Variants in ULK1 observed in about 807,000 individuals in gnomAD.
ULK1 encodes the protein unc-51 like autophagy activating kinase 1.
Under a neutral mutation model 117.5 loss-of-function variants are expected in ULK1, and 48 were observed. The ratio of observed to expected loss-of-function variants is 0.41; its 90% CI spans 0.32 to 0.52. The LOEUF is 0.52. ULK1 is among the 20% of genes least tolerant of loss of function. The pLI, the probability that ULK1 is intolerant of heterozygous loss-of-function variation, is 0.29. For synonymous variants in ULK1, 790 were observed against 637.8 expected (o/e 1.24, Z -3.60); for missense variants, 1,387 against 1,473.4 (o/e 0.94, Z 0.96).
chr12:131,921,773 C>T lies in ULK1; in HGVS notation c.*412C>T, dbSNP rs930504041. ...GCCCAGGAAGAGCCTGCGGCCTCGG[C>T]GTCCCCCAGTCTCCAGGAGCCTCTC... On this transcript the variant is annotated 3_prime_UTR_variant, in exon 28 of 28. Coordinates refer to ENST00000321867, the MANE Select transcript of ULK1 (RefSeq NM_003565.4). 1.9e-6 allele frequency: 1 copy of T among 515,352 alleles called. No homozygotes were observed. 31.9% of individuals were successfully genotyped at this position (515,352 alleles called of 1,614,324 possible).
At chr12:131,919,757 G>A (rs913074428) in intron 25 of ULK1, 167 bp downstream of exon 25, 34 of 1,032,292 alleles carry the variant, frequency 3.3e-5, no homozygotes, top group South Asian at 1.7e-4. Context: ...CCATTGGGTC[G>A]GACAGCACCC....
intron 13 of ULK1, among the ~76,000 whole-genome samples, chr12:131,912,686 G>C (rs1031644199): frequency 6.6e-6 from 1 of 152,246 alleles, no homozygotes; most frequent in African/African-American, 2.4e-5. Context: ...CCATCAGCAT[G>C]GCTTCTGCGG....
rs753823741 is a variant in ULK1 at position 131,908,861 on chromosome 12, C to T, written c.491-37C>T. 1.3e-5 allele frequency: 21 copies of T among 1,606,054 alleles called. No homozygotes were observed. The South Asian group carries it at 1.4e-4, about 11-fold the overall frequency. On this transcript the variant is annotated intron_variant, in intron 6 of 27. Coordinates refer to ENST00000321867, the MANE Select transcript of ULK1 (RefSeq NM_003565.4). The stretch of plus-strand genomic sequence containing the variant: ...AGGCGGGCCCGGCGGGGAGGGGCTC[C>T]GGGGCCGGCGCCGGTCCTGACGCTT...
At chr12:131,895,867 G>A (rs775195070) in intron 3 of ULK1, 43 bp downstream of exon 3, 2 of 1,611,934 alleles carry the variant, frequency 1.2e-6, no homozygotes, top group African/African-American at 2.7e-5. Context: ...CGGGCTGGGG[G>A]ACTGTGGCCC....
intron 13 of ULK1, among the ~76,000 whole-genome samples, chr12:131,912,397 C>T (rs991591751): frequency 2.0e-5 from 3 of 152,112 alleles, no homozygotes; most frequent in Non-Finnish European, 4.4e-5. Flanking sequence ...CGCCATGTAC[C>T]CCTACCTTGT....
chr12:131,920,858 A>C, intron 26 of ULK1: 1 of 534,772 alleles, frequency 1.9e-6, no homozygotes, highest in Non-Finnish European at 3.2e-6. Flanking sequence ...AGCGGCGGGC[A>C]CTCTGTTGTC....
Position 131,913,770 on chromosome 12 carries a change from G to T in ULK1, c.1181G>T (p.Gly394Val). 6.4e-6 allele frequency: 10 copies of T among 1,571,694 alleles called. No homozygotes were observed. Among genetic ancestry groups the T allele is most frequent in the Non-Finnish European group, 7.8e-6 (9 of 1,158,888 alleles). The change falls in exon 15 of 28, where the codon GGC becomes GTC. Residue 394 changes from glycine to valine, a missense_variant. Gly to Val is a moderately radical substitution (Grantham distance 109). Transcript: ENST00000321867. ...CSGSSLVASA[G>V]LESHGRTPSP... ...AGGAGCTCACTGGTGGCCTCTGCGG[G>T]CTTGGAGAGCCACGGCCGGACCCCA...
chr12:131,906,431 C>T (rs553296018), intron 3 of ULK1: 6 of 164,736 alleles, frequency 3.6e-5, no homozygotes, highest in South Asian at 1.6e-4. Context: ...ACCATGTTGG[C>T]CAGGCAGGTC....
chr12:131,914,400 C>T lies in ULK1; in HGVS notation c.1296C>T (p.Ile432=). Residue 432 remains isoleucine (I), a synonymous_variant, in exon 16 of 28, where the codon ATC becomes ATT. Transcript: ENST00000321867. ...SSSRCGASVP[I]PVPTQVQNYQ... ...GCAGGTGCGGCGCCTCTGTCCCCAT[C>T]CCAGTCCCCACGCAGGTGCAGAACT... 6.2e-7 allele frequency: 1 copy of T among 1,612,658 alleles called. No homozygotes were observed. Among genetic ancestry groups the T allele is most frequent in the Non-Finnish European group, 8.5e-7 (1 of 1,179,966 alleles).
chr12:131,916,003 C>A lies in ULK1; in HGVS notation c.1722C>A (p.Pro574=), dbSNP rs142265536. ...HVVRPKLPKP[P]TDPLGAVFSP... is the part of the protein sequence containing the mutation. ...TCCGCCCCAAGCTGCCCAAACCCCC[C>A]ACGGACCCCCTGGGAGCTGTGTTCA... Residue 574 remains proline, a synonymous_variant, in exon 19 of 28, where the codon CCC becomes CCA. Transcript: ENST00000321867. 5.6e-6 allele frequency: 9 copies of A among 1,612,282 alleles called. No individual in the cohort carries two copies. Among genetic ancestry groups the A allele is most frequent in the East Asian group, 2.2e-5 (1 of 44,868 alleles).
intron 3 of ULK1, among the ~76,000 whole-genome samples, chr12:131,901,374 A>C (rs73471781): frequency 0.18 from 27,094 of 151,648 alleles, 4,869 homozygotes; most frequent in African/African-American, 0.46. Context: ...AAAAAAGAAA[A>C]AAATCATGGG....
In ULK1 at chr12:131,909,881, C is replaced by A. The variant is rs548770086; in HGVS notation, c.726-38C>A. ...TTCCCTTCCCCCGCGGGCTCCGGCC[C>A]CGCAGGCCCTGCTCACACCAGCCTC... On this transcript the variant is annotated intron_variant, in intron 9 of 27. Transcript: ENST00000321867. The A allele has an allele frequency of 5.9e-4, 949 of 1,610,762 alleles. 3 individuals are homozygous for A. In the African/African-American group the frequency reaches 0.011, roughly 18 times the overall value.
At position 131,906,776 on chromosome 12, in the gene ULK1, C is replaced by CCAG. The variant is rs1889293623; in HGVS notation, c.247-114_247-112dup. ...TCCTCGTCTCCCGGCCGCTGGCTGA[C>CCAG]CAGCTAAGTCCTGGCACTGCAGGGC... On this transcript the variant is annotated intron_variant, in intron 3 of 27. Transcript: ENST00000321867. 1.4e-5 allele frequency: 19 copies of CCAG among 1,317,368 alleles called. No homozygotes were observed. The South Asian group carries it at 2.2e-4, about 15-fold the overall frequency. 81.6% of individuals were successfully genotyped at this position (1,317,368 alleles called of 1,614,324 possible). A position where few individuals can be genotyped will look rare whatever the true frequency, so the allele number is the denominator to read the frequency against.
intron 3 of ULK1, among the ~76,000 whole-genome samples, chr12:131,896,318 A>C (rs974843963): frequency 6.6e-6 from 1 of 152,034 alleles, no homozygotes; most frequent in African/African-American, 2.4e-5. Flanking sequence ...CTGGCTGGCC[A>C]AGGAGATGAC....
Position 131,919,485 on chromosome 12 carries a change from C to T in ULK1, c.2698C>T (p.Leu900=), listed in dbSNP as rs1432068901. 3 of 1,611,482 alleles carry T rather than the reference C, an allele frequency of 1.9e-6. No homozygotes were observed. Among genetic ancestry groups the T allele is most frequent in the Non-Finnish European group, 2.5e-6 (3 of 1,179,380 alleles). The stretch of plus-strand genomic sequence containing the variant: ...TGCCGCCCCCAGCTTCGCGGAACAG[C>T]TGGTGCTGTACCTGAAGGTGGCCGA... ...LSREWGFAEQ[L]VLYLKVAELL... The change falls in exon 25 of 28, where the codon CTG becomes TTG. Residue 900 remains leucine, a synonymous_variant. Transcript: ENST00000321867.
At chr12:131,906,425 T>A (rs1402045819) in intron 3 of ULK1, 1 of 163,230 alleles carries the variant, frequency 6.1e-6, no homozygotes, top group African/African-American at 2.4e-5. Flanking sequence ...GGTTTCACCA[T>A]GTTGGCCAGG....
At chr12:131,913,146 G>A in intron 13 of ULK1, 52 bp from the exon 14 acceptor site, 1 of 1,498,198 alleles carries the variant, frequency 6.7e-7, no homozygotes, top group South Asian at 1.3e-5. Flanking sequence ...GGGGTGGGGT[G>A]GCCCTGGGCA....
rs764410520 is a variant in ULK1 at position 131,918,633 on chromosome 12, G to A, written c.2463G>A (p.Gly821=). The A allele has an allele frequency of 1.9e-6, 3 of 1,610,066 alleles. No individual in the cohort carries two copies. The highest frequency in any genetic ancestry group is 2.2e-5 in the South Asian group (2 of 90,646). Residue 821 remains glycine (G), a synonymous_variant, in exon 23 of 28, where the codon GGG becomes GGA. Coordinates refer to ENST00000321867, the MANE Select transcript of ULK1 (RefSeq NM_003565.4). The part of the protein sequence containing the change: ...FADPITANLE[G]AVTFEAPDLP... ...ACCCCATTACTGCGAACCTGGAGGG[G>A]GCTGTGACCTTCGAGGCCCCCGACC... is the stretch of plus-strand genomic sequence containing the variant.
Position 131,921,525 on chromosome 12 carries a change from G to C in ULK1, c.*164G>C, listed in dbSNP as rs1952135915. 3 of 1,005,546 alleles carry C rather than the reference G, an allele frequency of 3.0e-6. No individual in the cohort carries two copies. 62.3% of individuals were successfully genotyped at this position (1,005,546 alleles called of 1,614,324 possible). A position where few individuals can be genotyped will look rare whatever the true frequency, so the allele number is the denominator to read the frequency against. The stretch of plus-strand genomic sequence containing the variant: ...CTGCCGGCCTCCCTGCAGCTCACGG[G>C]GCAGAACCAGCACATCTGGAGCCAC... On this transcript the variant is annotated 3_prime_UTR_variant, in exon 28 of 28. Transcript: ENST00000321867.
Sources: gnomAD v4.1 joint callset for allele counts (sites outside exome capture counted in the v4.1 genomes callset) on GRCh38, gnomAD v4.1.1 for gene constraint, MANE v1.5 for transcripts, NCBI Gene and HGNC (gene_info 2026-07-23, HGNC 2026-07-21) for gene names.